RSPH14: variants seen among roughly 807,000 people sequenced by gnomAD.
The protein encoded by RSPH14 is radial spoke head 14 homolog.
In RSPH14, 20 loss-of-function variants were observed where a neutral mutation model predicts 26.7. The observed-to-expected ratio is 0.75, with a 90% CI of 0.53 to 1.09. The LOEUF (loss-of-function observed/expected upper bound fraction) is 1.09. RSPH14 is among the 50% of genes least tolerant of loss of function. The probability of loss-of-function intolerance (pLI) is 0.00; values close to 1 mark genes in which losing one functional copy is unlikely to be tolerated. For synonymous variants in RSPH14, 177 were observed against 189.3 expected, an observed-to-expected ratio of 0.93 and a Z score of 0.53; for missense variants, 449 against 457.2, an observed-to-expected ratio of 0.98 and a Z score of 0.16.
rs2070415042 is a variant in RSPH14 at position 23,134,019 on chromosome 22, AG to A, written c.421+6del. The A allele has an allele frequency of 6.2e-7, 1 of 1,608,124 alleles. No individual in the cohort carries two copies. The highest frequency in any genetic ancestry group is 8.5e-7 in the Non-Finnish European group (1 of 1,174,884). On this transcript the variant is annotated splice_donor_region_variant and intron_variant, in intron 4 of 6. Coordinates refer to ENST00000216036, the MANE Select transcript of RSPH14 (RefSeq NM_014433.3). ...CCGACAGATCTGTGTGCAGGACGCA[AG>A]CCTACCTCTAGGCACCTGGACCAGC...
At chr22:23,176,257 G>C in the RSPH14 span, among the ~76,000 whole-genome samples, 1 of 152,204 alleles carries the variant, frequency 6.6e-6, no homozygotes, top group Non-Finnish European at 1.5e-5. Flanking sequence ...GGAAAAGCTG[G>C]GTGTGGGGAG....
At chr22:23,090,164 T>C (rs2068928754) in intron 4 of RSPH14, among the ~76,000 whole-genome samples, 3 of 152,146 alleles carry the variant, frequency 2.0e-5, no homozygotes, top group Non-Finnish European at 4.4e-5. Context: ...AGCAGGGTCC[T>C]GTACCACAGG....
chr22:23,119,588 T>C (rs916393522), intron 4 of RSPH14, among the ~76,000 whole-genome samples: 12 of 152,238 alleles, frequency 7.9e-5, no homozygotes, highest in African/African-American at 1.2e-4. Flanking sequence ...AGCCTTCCTG[T>C]TCTATAAAGA....
At chr22:23,127,380 C>T (rs2070210463) in intron 4 of RSPH14, among the ~76,000 whole-genome samples, 1 of 152,232 alleles carries the variant, frequency 6.6e-6, no homozygotes, top group Admixed American at 6.5e-5. Context: ...TACAACTACC[C>T]ACCAAAGACT....
intron 3 of RSPH14, among the ~76,000 whole-genome samples, chr22:23,134,387 C>T (rs1349189843): frequency 6.6e-6 from 1 of 152,026 alleles, no homozygotes; most frequent in Non-Finnish European, 1.5e-5. Context: ...CCCTTGCCTC[C>T]ACATCTATGT....
At chr22:23,150,509 G>A in the RSPH14 span, among the ~76,000 whole-genome samples, 1 of 151,950 alleles carries the variant, frequency 6.6e-6, no homozygotes, top group Non-Finnish European at 1.5e-5. Flanking sequence ...CACCATGTTA[G>A]CCAGGATGGT....
chr22:23,061,460 CT>C (rs1223583207), intron 6 of RSPH14, among the ~76,000 whole-genome samples: 1 of 152,120 alleles, frequency 6.6e-6, no homozygotes, highest in African/African-American at 2.4e-5. Flanking sequence ...TTGCTTAGAC[CT>C]CAGGGTAACA....
the RSPH14 span, among the ~76,000 whole-genome samples, chr22:23,150,854 TG>T: frequency 6.6e-6 from 1 of 152,162 alleles, no homozygotes; most frequent in Non-Finnish European, 1.5e-5. Flanking sequence ...GTACCCCTCC[TG>T]GGTGCTCTTG....
chr22:23,108,215 C>T (rs980748636), intron 4 of RSPH14, among the ~76,000 whole-genome samples: 15 of 152,396 alleles, frequency 9.8e-5, no homozygotes, highest in Non-Finnish European at 1.9e-4. Flanking sequence ...GCCATCTGGC[C>T]TTGCCTGCCA....
At chr22:23,066,065 C>T (rs955581591) in intron 4 of RSPH14, among the ~76,000 whole-genome samples, 12 of 152,142 alleles carry the variant, frequency 7.9e-5, no homozygotes, top group Non-Finnish European at 1.6e-4. Context: ...GTGACCTGGA[C>T]GGCCCTCTTC....
At chr22:23,150,730 T>C in the RSPH14 span, among the ~76,000 whole-genome samples, 2 of 152,226 alleles carry the variant, frequency 1.3e-5, no homozygotes, top group African/African-American at 2.4e-5. Flanking sequence ...CTGTCTGGAA[T>C]GTCTTTCCTA....
chr22:23,069,714 C>G (rs1298764026), intron 4 of RSPH14, among the ~76,000 whole-genome samples: 1 of 152,062 alleles, frequency 6.6e-6, no homozygotes, highest in African/African-American at 2.4e-5. Context: ...GCGGTGGCGG[C>G]GGGGGGCGGC....
At chr22:23,084,216 CTT>C (rs770538093) in intron 4 of RSPH14, among the ~76,000 whole-genome samples, 6 of 152,162 alleles carry the variant, frequency 3.9e-5, no homozygotes, top group Non-Finnish European at 8.8e-5. Context: ...GATGGTTTGA[CTT>C]GCAGTTTTTC....
chr22:23,157,916 C>G, the RSPH14 span: 6 of 1,601,502 alleles, frequency 3.7e-6, no homozygotes, highest in South Asian at 6.7e-5. Context: ...TCCTTGGGAG[C>G]TGGGCACCTC....
At chr22:23,076,865 A>C (rs1376691299) in intron 4 of RSPH14, among the ~76,000 whole-genome samples, 2 of 152,228 alleles carry the variant, frequency 1.3e-5, no homozygotes, top group Non-Finnish European at 2.9e-5. Context: ...GGGCAGGGGA[A>C]GGCACCAGGC....
chr22:23,118,366 G>A lies in RSPH14; in HGVS notation c.421+15660C>T, dbSNP rs535803442. On this transcript the variant is annotated intron_variant, in intron 4 of 6. Transcript: ENST00000216036. The stretch of plus-strand genomic sequence containing the variant: ...GACAAACCCCAGCCTCCTAGAAGGC[G>A]CCATCTTGCTGGTAAGCAGGCCCTG... Among the ~76,000 whole-genome samples, 6 of 152,338 alleles carry A rather than the reference G, an allele frequency of 3.9e-5. No individual in the cohort carries two copies. In the East Asian group the frequency reaches 9.6e-4, roughly 24 times the overall value.
At chr22:23,161,394 C>T in the RSPH14 span, 2 of 1,053,290 alleles carry the variant, frequency 1.9e-6, no homozygotes, top group East Asian at 2.6e-5. Flanking sequence ...AACAGCAGGC[C>T]CAGAAGCTTC....
the RSPH14 span, among the ~76,000 whole-genome samples, chr22:23,174,148 TC>T: frequency 0.016 from 2,380 of 152,172 alleles, 29 homozygotes; most frequent in Non-Finnish European, 0.025. Context: ...AAGGGTGGCC[TC>T]CGGGAGGGGT....
chr22:23,164,228 T>C, the RSPH14 span: 1 of 152,316 alleles, frequency 6.6e-6, no homozygotes, highest in African/African-American at 2.4e-5. Flanking sequence ...GCCTCCAGGA[T>C]ATGTTTGCGG....
Sources: gnomAD v4.1 joint callset for allele counts (sites outside exome capture counted in the v4.1 genomes callset) on GRCh38, gnomAD v4.1.1 for gene constraint, MANE v1.5 for transcripts, NCBI Gene and HGNC (gene_info 2026-07-23, HGNC 2026-07-21) for gene names.